The following ZNF486 variants were observed in gnomAD, a reference collection of about 807,000 sequenced individuals.
ZNF486 encodes the protein zinc finger protein 486.
In ZNF486, 12 loss-of-function variants were observed where a neutral mutation model predicts 12.8. The observed-to-expected ratio is 0.94, with a 90% CI of 0.60 to 1.52. ZNF486 has a LOEUF of 1.52. Ranked by LOEUF, ZNF486 falls within the 40% of genes most tolerant of loss-of-function variation. ZNF486 has a pLI of 0.00. For missense variants in ZNF486, 738 were observed against 545.0 expected, an observed-to-expected ratio of 1.35 and a Z score of -3.53; for synonymous variants, 231 against 184.9, an observed-to-expected ratio of 1.25 and a Z score of -2.02.
In ZNF486 at chr19:20,197,494, G is replaced by A. The variant is rs781790391; in HGVS notation, c.784G>A (p.Gly262Arg). The change falls in exon 4 of 4, where the codon GGA (glycine) becomes AGA (arginine). Residue 262 changes from glycine (G) to arginine (R), a missense_variant. Gly to Arg is a moderately radical substitution (Grantham distance 125). Transcript: ENST00000335117. ...TACTACACATAAGAAAATTCATAGT[G>A]GAGAGAAACCCTACATTTGTGAAGA... ...SFTTHKKIHS[G>R]EKPYICEECG... 1.7e-5 allele frequency: 28 copies of A among 1,608,736 alleles called. No homozygotes were observed. The highest frequency in any genetic ancestry group is 2.7e-5 in the African/African-American group (2 of 74,344).
chr19:20,186,469 T>C (rs1392048649), intron 3 of ZNF486, among the ~76,000 whole-genome samples: 1 of 152,186 alleles, frequency 6.6e-6, no homozygotes, highest in Non-Finnish European at 1.5e-5. Flanking sequence ...AGATCTGAAA[T>C]GTGTGACAGT....
chr19:20,188,811 C>T, intron 3 of ZNF486: 1 of 203,228 alleles, frequency 4.9e-6, no homozygotes, highest in Non-Finnish European at 9.8e-6. Flanking sequence ...AAACCTTCCA[C>T]TTTCTGTTTT....
At chr19:20,193,407 T>G (rs1555717461) in intron 3 of ZNF486, among the ~76,000 whole-genome samples, 2 of 151,794 alleles carry the variant, frequency 1.3e-5, no homozygotes. Flanking sequence ...CATGCCTGTG[T>G]TCTCAGCACT....
At chr19:20,187,861 G>A (rs4808231) in intron 3 of ZNF486, among the ~76,000 whole-genome samples, 44,376 of 151,846 alleles carry the variant, frequency 0.29, 7,798 homozygotes, top group East Asian at 0.39. Flanking sequence ...CCCTTAGGGT[G>A]ATGAGATGCC....
chr19:20,195,059 G>A (rs2089944395), intron 3 of ZNF486, among the ~76,000 whole-genome samples: 2 of 152,050 alleles, frequency 1.3e-5, no homozygotes, highest in African/African-American at 4.8e-5. Context: ...CGAGGCTGGA[G>A]TGCAGTGGCG....
chr19:20,175,883 GC>G (rs2089703829), intron 1 of ZNF486, among the ~76,000 whole-genome samples: 1 of 151,870 alleles, frequency 6.6e-6, no homozygotes, highest in Admixed American at 6.6e-5. Flanking sequence ...GGGCAGAGGG[GC>G]TCCTCACTTC....
chr19:20,195,999 A>T (rs1555717874), intron 3 of ZNF486, among the ~76,000 whole-genome samples: 1 of 152,180 alleles, frequency 6.6e-6, no homozygotes, highest in African/African-American at 2.4e-5. Context: ...TAAAAAGGAA[A>T]CCAGGAGTTG....
At chr19:20,178,885 G>C (rs1555715192) in intron 1 of ZNF486, among the ~76,000 whole-genome samples, 1 of 152,194 alleles carries the variant, frequency 6.6e-6, no homozygotes, top group Non-Finnish European at 1.5e-5. Flanking sequence ...AACCCAGTTA[G>C]AGTAACATGT....
At chr19:20,185,384 G>T (rs7256785) in intron 2 of ZNF486, among the ~76,000 whole-genome samples, 6,593 of 148,914 alleles carry the variant, frequency 0.044, 539 homozygotes, top group African/African-American at 0.15. Context: ...AGTTTAGAAA[G>T]GTTTTAAGGT....
rs782139198 is a variant in ZNF486, at chr19:20,200,078, A to C, written c.*1976A>C. ...GCAACAGAGCAAGACTCCATCTCAA[A>C]AAAAAAAGTGTATTTGTTTCCTTAA... On this transcript the variant is annotated 3_prime_UTR_variant, in exon 4 of 4. Transcript: ENST00000335117. 6.6e-6 allele frequency: 1 copy of C among 152,142 alleles called. No homozygotes were observed. Among genetic ancestry groups the C allele is most frequent in the Non-Finnish European group, 1.5e-5 (1 of 68,026 alleles). 9.4% of individuals were successfully genotyped at this position (152,142 alleles called of 1,614,324 possible). A position where few individuals can be genotyped will look rare whatever the true frequency, so the allele number is the denominator to read the frequency against.
At chr19:20,180,293 C>T (rs1020569533) in intron 1 of ZNF486, among the ~76,000 whole-genome samples, 1 of 152,122 alleles carries the variant, frequency 6.6e-6, no homozygotes. Flanking sequence ...TTTCCTGGTA[C>T]TTGGATGATA....
At chr19:20,173,807 G>A (rs919358602) in intron 1 of ZNF486, among the ~76,000 whole-genome samples, 1 of 151,880 alleles carries the variant, frequency 6.6e-6, no homozygotes, top group African/African-American at 2.4e-5. Flanking sequence ...ACTCCAGCCT[G>A]GGGGACAGAG....
chr19:20,168,982 A>G (rs928430861), intron 1 of ZNF486, among the ~76,000 whole-genome samples: 44 of 152,062 alleles, frequency 2.9e-4, no homozygotes, highest in Non-Finnish European at 3.4e-4. Flanking sequence ...CTGGGACTAC[A>G]GGCACTCGCC....
intron 1 of ZNF486, among the ~76,000 whole-genome samples, chr19:20,177,386 C>T (rs2089731655): frequency 6.6e-6 from 1 of 152,218 alleles, no homozygotes; most frequent in African/African-American, 2.4e-5. Flanking sequence ...GTTTATTTGT[C>T]ATTGAATATA....
rs1555716371 is a variant in ZNF486, at chr19:20,186,033, A to T, written c.204A>T (p.Gly68=). ...ACCTGATCACCTGTCTGGAGCAAGG[A>T]ATAAAACCTCTGACTATGAAGAGAC... ...KPDLITCLEQ[G]IKPLTMKRHE... Residue 68 remains glycine, a synonymous_variant, in exon 3 of 4, where the codon GGA becomes GGT. Coordinates refer to ENST00000335117, the MANE Select transcript of ZNF486 (RefSeq NM_052852.4). 1 of 1,593,064 alleles carries T rather than the reference A, an allele frequency of 6.3e-7. No individual in the cohort carries two copies. The highest frequency in any genetic ancestry group is 2.3e-5 in the East Asian group (1 of 43,312).
Position 20,168,654 on chromosome 19 carries a change from C to CA in ZNF486, c.30+1308dup, listed in dbSNP as rs782582640. Among the ~76,000 whole-genome samples, 516 of 115,924 alleles carry CA rather than the reference C, an allele frequency of 4.5e-3. 2 individuals are homozygous for CA. The highest frequency in any genetic ancestry group is 0.01 in the Middle Eastern group (2 of 196). The allele number at this position is 115,924 out of a possible 152,430, so 76.1% of individuals were successfully genotyped here. On this transcript the variant is annotated intron_variant, in intron 1 of 3. Transcript: ENST00000335117. ...GGGCAACAACAGCGAAACTCCGTCT[C>CA]AAAAAAAAAAAAAAGTAAGAATCTT...
intron 3 of ZNF486, among the ~76,000 whole-genome samples, chr19:20,196,372 A>G (rs1231861697): frequency 6.6e-6 from 1 of 152,218 alleles, no homozygotes; most frequent in African/African-American, 2.4e-5. Context: ...TCTGTCGCCC[A>G]GGCCGGAGTG....
chr19:20,197,202 T>A lies in ZNF486; in HGVS notation c.492T>A (p.His164Gln). 6.2e-7 allele frequency: 1 copy of A among 1,613,024 alleles called. No homozygotes were observed. Among genetic ancestry groups the A allele is most frequent in the Non-Finnish European group, 8.5e-7 (1 of 1,179,764 alleles). The change falls in exon 4 of 4, where the codon CAT (histidine) becomes CAA (glutamine). Residue 164 changes from histidine to glutamine, a missense_variant. Physicochemically the swap from His to Gln is conservative, Grantham distance 24. Transcript: ENST00000335117. ...GTGGTAAATATGTGAAAGTCTTTCATCAATTTTCAAATTCAAAGAGACATA... is the reference window on the plus strand; with the variant it reads ...GTGGTAAATATGTGAAAGTCTTTCAACAATTTTCAAATTCAAAGAGACATA... ...FQCGKYVKVF[H>Q]QFSNSKRHKR...
intron 1 of ZNF486, chr19:20,175,331 A>ATTTTTTTTTTTTTTTTTTTTTT (rs782300626): frequency 7.0e-4 from 84 of 119,838 alleles, no homozygotes; most frequent in East Asian, 1.4e-3. Context: ...AGCCCTATTA[A>ATTTTTTTTTTTTTTTTTTTTTT]TTTTTTTTTT....
Sources: gnomAD v4.1 joint callset for allele counts (sites outside exome capture counted in the v4.1 genomes callset) on GRCh38, gnomAD v4.1.1 for gene constraint, MANE v1.5 for transcripts, NCBI Gene and HGNC (gene_info 2026-07-23, HGNC 2026-07-21) for gene names.